Variants in DNAH5 observed in about 807,000 individuals in gnomAD.
DNAH5 encodes the protein dynein axonemal heavy chain 5, also known as axonemal beta dynein heavy chain 5.
Under a neutral mutation model 518.2 loss-of-function variants are expected in DNAH5, and 372 were observed. That is an observed-to-expected ratio of 0.72 (90% confidence interval 0.66 to 0.78). The LOEUF (loss-of-function observed/expected upper bound fraction) is 0.78. DNAH5 is among the 30% of genes least tolerant of loss of function. The pLI is 0.00. For synonymous variants in DNAH5, 2,039 were observed against 2,025.9 expected (o/e 1.01, Z -0.17); for missense variants, 5,523 against 5,687.0 (o/e 0.97, Z 0.93).
intron 17 of DNAH5, 110 bp downstream of exon 17, chr5:13,890,866 G>A: frequency 8.5e-7 from 1 of 1,183,404 alleles, no homozygotes; most frequent in Non-Finnish European, 1.2e-6. Context: ...TTCTATCACA[G>A]AGCACTGCAA....
At position 13,799,838 on chromosome 5, in the gene DNAH5, T is replaced by C. The variant is rs866180218; in HGVS notation, c.7888-5780A>G. Among the ~76,000 whole-genome samples, 6 of 152,352 alleles carry C rather than the reference T, an allele frequency of 3.9e-5. No individual in the cohort carries two copies. In the South Asian group the frequency reaches 1.2e-3, roughly 32 times the overall value. ...AGCCATTTGTGTTTCCTATATACAC[T>C]TTATATATATAACCAGGAAGTAGTT... is the stretch of plus-strand genomic sequence containing the variant. On this transcript the variant is annotated intron_variant, in intron 47 of 78. Transcript: ENST00000265104.
intron 35 of DNAH5, among the ~76,000 whole-genome samples, chr5:13,835,835 A>T (rs142415996): frequency 6.6e-6 from 1 of 152,082 alleles, no homozygotes; most frequent in Non-Finnish European, 1.5e-5. Context: ...AAACGACTCC[A>T]TGTGTGTCCG....
intron 22 of DNAH5, among the ~76,000 whole-genome samples, chr5:13,875,981 T>C (rs1471583517): frequency 6.6e-6 from 1 of 152,198 alleles, no homozygotes; most frequent in Non-Finnish European, 1.5e-5. Context: ...GCAACAACTA[T>C]TCCTTAAACA....
intron 1 of DNAH5, among the ~76,000 whole-genome samples, chr5:14,010,166 A>C (rs1434186073): frequency 6.6e-6 from 1 of 152,104 alleles, no homozygotes; most frequent in Admixed American, 6.5e-5. Flanking sequence ...CATGTTATTA[A>C]ATGTTTTCTA....
At chr5:13,934,647 G>T (rs1454697236) in intron 1 of DNAH5, among the ~76,000 whole-genome samples, 3 of 152,112 alleles carry the variant, frequency 2.0e-5, no homozygotes, top group Non-Finnish European at 4.4e-5. Flanking sequence ...AGGTACAAAA[G>T]ACTTACAGAA....
chr5:13,863,301 T>C (rs550091662), intron 28 of DNAH5, among the ~76,000 whole-genome samples: 2 of 152,278 alleles, frequency 1.3e-5, no homozygotes, highest in East Asian at 3.9e-4. Flanking sequence ...TCAATCACTT[T>C]CATATCTCCA....
At chr5:13,702,776 C>G (rs1041699546) in intron 76 of DNAH5, among the ~76,000 whole-genome samples, 2 of 152,168 alleles carry the variant, frequency 1.3e-5, no homozygotes, top group Non-Finnish European at 2.9e-5. Context: ...AGACAAGAAG[C>G]AGCAGTCCTA....
intron 65 of DNAH5, among the ~76,000 whole-genome samples, chr5:13,746,018 T>C (rs1314179856): frequency 6.6e-6 from 1 of 152,150 alleles, no homozygotes; most frequent in Non-Finnish European, 1.5e-5. Flanking sequence ...ATTAACATAA[T>C]TACTTCTTTG....
intron 78 of DNAH5, among the ~76,000 whole-genome samples, chr5:13,699,822 A>G (rs1741853186): frequency 6.6e-6 from 1 of 152,204 alleles, no homozygotes; most frequent in African/African-American, 2.4e-5. Context: ...GGGATCCACT[A>G]TCATGGCTAG....
chr5:13,818,453 C>T (rs1435840898), intron 41 of DNAH5, among the ~76,000 whole-genome samples: 2 of 152,226 alleles, frequency 1.3e-5, no homozygotes, highest in Non-Finnish European at 1.5e-5. Context: ...AAAAATTAGC[C>T]AGGCATGGCG....
intron 1 of DNAH5, among the ~76,000 whole-genome samples, chr5:13,978,086 G>A (rs1404916734): frequency 6.6e-6 from 1 of 152,184 alleles, no homozygotes; most frequent in Non-Finnish European, 1.5e-5. Context: ...CCCTATGGAG[G>A]GGAGAATATG....
intron 1 of DNAH5, among the ~76,000 whole-genome samples, chr5:13,975,172 G>A (rs1782154093): frequency 6.6e-6 from 1 of 152,154 alleles, no homozygotes; most frequent in African/African-American, 2.4e-5. Context: ...TGGCTGGGGA[G>A]CCCTCACAAT....
intron 40 of DNAH5, among the ~76,000 whole-genome samples, chr5:13,821,970 T>G (rs1762290578): frequency 1.3e-5 from 2 of 151,970 alleles, no homozygotes; most frequent in Admixed American, 6.6e-5. Flanking sequence ...AATTTTTTAA[T>G]TTATTTGTAG....
At chr5:14,003,473 C>A (rs543785911) in intron 1 of DNAH5, among the ~76,000 whole-genome samples, 1 of 152,272 alleles carries the variant, frequency 6.6e-6, no homozygotes, top group African/African-American at 2.4e-5. Context: ...ACCTTTAGCC[C>A]TGGTCAGAAA....
chr5:13,720,067 A>G (rs534911360), intron 71 of DNAH5, among the ~76,000 whole-genome samples: 14 of 151,466 alleles, frequency 9.2e-5, no homozygotes, highest in Admixed American at 7.9e-4. Context: ...ATCTTAGATC[A>G]CTGACTAGAG....
rs771617942 is a variant in DNAH5, at chr5:13,824,168, T to C, written c.6579+31A>G. 1.9e-6 allele frequency: 3 copies of C among 1,609,300 alleles called. No individual in the cohort carries two copies. The South Asian group carries it at 3.3e-5, about 18-fold the overall frequency. On this transcript the variant is annotated intron_variant, in intron 39 of 78. Coordinates refer to ENST00000265104, the MANE Select transcript of DNAH5 (RefSeq NM_001369.3). Reference sequence around the variant, plus strand: ...GCAGTTAGTTTAACTGATATCCAAGTAGGTGGAACACTTCCATCTGTGAGT... The same window carrying C: ...GCAGTTAGTTTAACTGATATCCAAGCAGGTGGAACACTTCCATCTGTGAGT...
chr5:13,702,582 C>G (rs1019754526), intron 76 of DNAH5, among the ~76,000 whole-genome samples: 1 of 152,118 alleles, frequency 6.6e-6, no homozygotes, highest in Non-Finnish European at 1.5e-5. Flanking sequence ...GGCCACTGAT[C>G]TGGAAGAATC....
chr5:13,761,960 G>T (rs1751844265), intron 60 of DNAH5, among the ~76,000 whole-genome samples: 1 of 152,076 alleles, frequency 6.6e-6, no homozygotes, highest in Admixed American at 6.6e-5. Flanking sequence ...AAGTTTCTTG[G>T]GTAGTTAACA....
chr5:13,773,627 T>A (rs1316951288), intron 55 of DNAH5, among the ~76,000 whole-genome samples: 1 of 152,158 alleles, frequency 6.6e-6, no homozygotes, highest in East Asian at 1.9e-4. Context: ...CTTGACCTCA[T>A]GGGAGTTTTT....
Sources: allele counts gnomAD v4.1 joint callset (sites outside exome capture counted in the v4.1 genomes callset), GRCh38; gene constraint gnomAD v4.1.1; transcripts MANE v1.5; gene names NCBI Gene and HGNC (gene_info 2026-07-23, HGNC 2026-07-21).